PACRG: variants seen among roughly 807,000 people sequenced by gnomAD.
The protein encoded by PACRG is parkin coregulated gene protein.
Under a neutral mutation model 29.7 loss-of-function variants are expected in PACRG, and 29 were observed. The ratio of observed to expected loss-of-function variants is 0.98; its 90% confidence interval spans 0.73 to 1.33. PACRG has a LOEUF of 1.33. Ranked by LOEUF, PACRG falls within the 40% of genes most tolerant of loss-of-function variation. The pLI is 0.00. For synonymous variants in PACRG, 116 were observed against 118.7 expected (o/e 0.98, Z 0.15); for missense variants, 279 against 316.2 (o/e 0.88, Z 0.89).
chr6:163,003,924 G>C (rs1015009166), intron 2 of PACRG, among the ~76,000 whole-genome samples: 1 of 152,136 alleles, frequency 6.6e-6, no homozygotes, highest in Non-Finnish European at 1.5e-5. Context: ...ATTCAAATTA[G>C]ATCCACTTGA....
intron 4 of PACRG, among the ~76,000 whole-genome samples, chr6:163,114,552 T>A (rs1345654915): frequency 6.6e-6 from 1 of 152,106 alleles, no homozygotes; most frequent in Admixed American, 6.5e-5. Context: ...CTATTTGGAG[T>A]GTCATGAATG....
At chr6:162,847,593 T>G in intron 2 of PACRG, among the ~76,000 whole-genome samples, 1 of 151,516 alleles carries the variant, frequency 6.6e-6, no homozygotes, top group Non-Finnish European at 1.5e-5. Context: ...TGGGAACAGT[T>G]ACAGTTGGAG....
intron 2 of PACRG, among the ~76,000 whole-genome samples, chr6:162,971,459 T>A (rs1801522027): frequency 6.6e-6 from 1 of 152,146 alleles, no homozygotes. Context: ...CCTAAACACC[T>A]TGGGAGGAAA....
At chr6:163,094,235 A>G (rs1040423482) in intron 4 of PACRG, among the ~76,000 whole-genome samples, 5 of 152,224 alleles carry the variant, frequency 3.3e-5, no homozygotes, top group Non-Finnish European at 7.3e-5. Flanking sequence ...ATTTACATTT[A>G]ATTTTGGAAT....
At chr6:162,904,915 C>T (rs976219585) in intron 2 of PACRG, among the ~76,000 whole-genome samples, 5 of 152,066 alleles carry the variant, frequency 3.3e-5, no homozygotes, top group Admixed American at 6.5e-5. Flanking sequence ...ATGCAACCCC[C>T]GAAGGTGAGG....
chr6:163,117,324 G>T (rs1336611924), intron 4 of PACRG, among the ~76,000 whole-genome samples: 1 of 152,196 alleles, frequency 6.6e-6, no homozygotes, highest in African/African-American at 2.4e-5. Context: ...CAAGGGCAGG[G>T]GCCACCTAGA....
intron 1 of PACRG, among the ~76,000 whole-genome samples, chr6:162,780,011 C>T (rs776425365): frequency 1.6e-4 from 25 of 152,084 alleles, no homozygotes; most frequent in African/African-American, 3.6e-4. Context: ...GAAGTTAAGT[C>T]GGCTAGAATT....
chr6:162,958,774 A>G (rs1800273897), intron 2 of PACRG, among the ~76,000 whole-genome samples: 1 of 149,340 alleles, frequency 6.7e-6, no homozygotes, highest in Non-Finnish European at 1.5e-5. Context: ...ACACATACAC[A>G]TAAATATACA....
chr6:163,144,341 CAT>C (rs1191128412), intron 4 of PACRG, among the ~76,000 whole-genome samples: 7 of 136,898 alleles, frequency 5.1e-5, no homozygotes, highest in Admixed American at 2.1e-4. Flanking sequence ...CATACACACA[CAT>C]ACATACACAC....
At chr6:162,969,404 T>C (rs115219583) in intron 2 of PACRG, among the ~76,000 whole-genome samples, 1,815 of 152,080 alleles carry the variant, frequency 0.012, 43 homozygotes, top group African/African-American at 0.041. Flanking sequence ...CTTCTGTCCA[T>C]TGCTACCCCA....
chr6:162,802,254 A>G (rs1383429285), intron 1 of PACRG, among the ~76,000 whole-genome samples: 4 of 152,184 alleles, frequency 2.6e-5, no homozygotes, highest in Non-Finnish European at 5.9e-5. Context: ...TAAGTAGTCA[A>G]TATATTTTTA....
intron 1 of PACRG, among the ~76,000 whole-genome samples, chr6:162,736,947 T>C (rs961370692): frequency 3.3e-5 from 5 of 152,178 alleles, no homozygotes; most frequent in African/African-American, 1.2e-4. Context: ...TTCACTTAGG[T>C]TGTTTTCAAG....
At position 163,088,626 on chromosome 6, in the gene PACRG, T is replaced by G. The variant is rs376500155; in HGVS notation, c.464-633T>G. ...CTTGTTACTTTGCACTCAGAACTGT[T>G]TCTTTAGAACTGTCATATTCCTGTG... On this transcript the variant is annotated intron_variant, in intron 3 of 4. Transcript: ENST00000366888. 3.7e-4 allele frequency among the ~76,000 whole-genome samples: 56 copies of G among 152,300 alleles called. 1 individual carries two copies. Among genetic ancestry groups the G allele is most frequent in the African/African-American group, 1.3e-3 (53 of 41,572 alleles).
intron 2 of PACRG, among the ~76,000 whole-genome samples, chr6:162,888,447 A>G (rs1794523515): frequency 6.6e-6 from 1 of 152,092 alleles, no homozygotes; most frequent in Admixed American, 6.6e-5. Flanking sequence ...CAATCCTCAG[A>G]GACCTTGGAC....
chr6:163,163,469 G>T lies in PACRG; in HGVS notation c.613+74061G>T, dbSNP rs1307751656. Among the ~76,000 whole-genome samples the T allele has an allele frequency of 2.6e-5, 4 of 152,094 alleles. No individual in the cohort carries two copies. In the East Asian group the frequency reaches 7.7e-4, roughly 29 times the overall value. On this transcript the variant is annotated intron_variant, in intron 4 of 4. Transcript: ENST00000366888. ...GCATTTTTAGTAGAGGCAGGGTTTT[G>T]CCATGTTGGCCAGGCTGGTCTCAAA...
chr6:162,814,081 T>G, intron 1 of PACRG, 66 bp from the exon 2 acceptor site: 1 of 1,474,650 alleles, frequency 6.8e-7, no homozygotes, highest in Non-Finnish European at 9.1e-7. Flanking sequence ...AACAGAAAGT[T>G]CTTTTATTAT....
At chr6:163,288,856 C>CTCTAAAGAGTGCAT (rs1271087901) in intron 4 of PACRG, among the ~76,000 whole-genome samples, 1 of 152,170 alleles carries the variant, frequency 6.6e-6, no homozygotes. Flanking sequence ...ATGGAATGCA[C>CTCTAAAGAGTGCAT]TCTAAAGAGA....
At chr6:162,855,579 C>T (rs779647492) in intron 2 of PACRG, among the ~76,000 whole-genome samples, 5 of 151,978 alleles carry the variant, frequency 3.3e-5, no homozygotes, top group Non-Finnish European at 7.4e-5. Context: ...AAAATAATCC[C>T]AAAATATGGT....
chr6:163,024,877 A>G (rs1338333274), intron 2 of PACRG, among the ~76,000 whole-genome samples: 2 of 152,204 alleles, frequency 1.3e-5, no homozygotes, highest in East Asian at 1.9e-4. Flanking sequence ...TTAATACACC[A>G]TGATCAAGTA....
Sources: gnomAD v4.1 joint callset for allele counts (sites outside exome capture counted in the v4.1 genomes callset) on GRCh38, gnomAD v4.1.1 for gene constraint, MANE v1.5 for transcripts, NCBI Gene and HGNC (gene_info 2026-07-23, HGNC 2026-07-21) for gene names.